The following TNN variants were observed in gnomAD, a reference collection of about 807,000 sequenced individuals.
TNN encodes the protein tenascin N, also known as tenascin-N.
A neutral mutation model predicts 134.4 loss-of-function variants in TNN; 122 were observed. The observed-to-expected ratio is 0.91, with a 90% confidence interval of 0.78 to 1.06. TNN has a LOEUF of 1.06. Among genes scored for constraint, TNN ranks in the 50% least tolerant of loss-of-function variants. The probability of loss-of-function intolerance (pLI) is 0.00; values close to 1 mark genes in which losing one functional copy is unlikely to be tolerated. For missense variants in TNN, 1,739 were observed against 1,699.4 expected, an observed-to-expected ratio of 1.02 and a Z score of -0.41; for synonymous variants, 710 against 670.3, an observed-to-expected ratio of 1.06 and a Z score of -0.91.
At chr1:175,085,037 A>G in intron 5 of TNN, among the ~76,000 whole-genome samples, 1 of 152,230 alleles carries the variant, frequency 6.6e-6, no homozygotes, top group East Asian at 1.9e-4. Flanking sequence ...CACAATGAGA[A>G]GGAGAGATGC....
intron 11 of TNN, among the ~76,000 whole-genome samples, chr1:175,120,755 C>T (rs572433440): frequency 6.6e-6 from 1 of 152,332 alleles, no homozygotes; most frequent in African/African-American, 2.4e-5. Context: ...GCTGTCCTGA[C>T]CAACACAGCA....
At chr1:175,126,343 G>A (rs1335800820) in intron 12 of TNN, among the ~76,000 whole-genome samples, 4 of 151,860 alleles carry the variant, frequency 2.6e-5, no homozygotes, top group South Asian at 4.2e-4. Context: ...CTTGTGATCC[G>A]CCTGCCTTGG....
intron 5 of TNN, 73 bp downstream of exon 5, chr1:175,084,008 T>C: frequency 6.7e-7 from 1 of 1,483,306 alleles, no homozygotes; most frequent in Admixed American, 1.7e-5. Context: ...CAGAGGGCAC[T>C]GGCATCTGCA....
At chr1:175,104,810 G>A (rs1674809780) in intron 9 of TNN, among the ~76,000 whole-genome samples, 1 of 145,994 alleles carries the variant, frequency 6.8e-6, no homozygotes, top group Non-Finnish European at 1.5e-5. Flanking sequence ...TGACAGGGGA[G>A]TATATTTTCT....
At chr1:175,142,149 C>T (rs1031762473) in intron 17 of TNN, among the ~76,000 whole-genome samples, 1 of 152,222 alleles carries the variant, frequency 6.6e-6, no homozygotes, top group Admixed American at 6.5e-5. Context: ...ATGTGTATGA[C>T]TAGCATGACA....
chr1:175,145,885 G>A (rs371757040), intron 18 of TNN, among the ~76,000 whole-genome samples: 11 of 152,126 alleles, frequency 7.2e-5, no homozygotes, highest in East Asian at 3.9e-4. Flanking sequence ...GTCTCTGCTC[G>A]TCATTAATCC....
intron 9 of TNN, among the ~76,000 whole-genome samples, chr1:175,099,819 C>T (rs1205101032): frequency 6.6e-6 from 1 of 152,102 alleles, no homozygotes; most frequent in African/African-American, 2.4e-5. Context: ...CACTTCTGTG[C>T]TCCTCTTCTA....
intron 1 of TNN, among the ~76,000 whole-genome samples, chr1:175,074,484 G>GAAAAAAAAAAAAAAAAAAAAAA (rs55952749): frequency 8.4e-6 from 1 of 119,020 alleles, no homozygotes. Context: ...GATCCTGTCT[G>GAAAAAAAAAAAAAAAAAAAAAA]AAAAAAAAAA....
intron 9 of TNN, among the ~76,000 whole-genome samples, chr1:175,115,682 G>T (rs879829800): frequency 6.6e-6 from 1 of 152,094 alleles, no homozygotes; most frequent in Non-Finnish European, 1.5e-5. Flanking sequence ...ACACCAAGAC[G>T]GTGTAGTACA....
Position 175,123,388 on chromosome 1 carries a change from C to G in TNN, c.2651-12C>G. ...TTCTAAAGTTCAGCCTTTTCTAAAT[C>G]TTTTTAAAAAGAAATTGACGGCCCC... On this transcript the variant is annotated splice_polypyrimidine_tract_variant and intron_variant, in intron 11 of 18. Coordinates refer to ENST00000239462, the MANE Select transcript of TNN (RefSeq NM_022093.2). The G allele has an allele frequency of 1.2e-6, 2 of 1,612,876 alleles. No individual in the cohort carries two copies. Among genetic ancestry groups the G allele is most frequent in the Non-Finnish European group, 1.7e-6 (2 of 1,179,640 alleles).
At position 175,085,447 on chromosome 1, in the gene TNN, TGA is replaced by T; in HGVS notation, c.1281_1282del (p.Gly428ArgfsTer16). Reference sequence around the variant, plus strand: ...GAGTATAAGATCACGGTGGTGCCCATGAGAGGAGAGCTGGAGGGCAAGCCGAT... The same window carrying T: ...GAGTATAAGATCACGGTGGTGCCCATGAGGAGAGCTGGAGGGCAAGCCGAT... On this transcript the variant is annotated frameshift_variant, in exon 6 of 19. Transcript: ENST00000239462. LOFTEE classifies it high-confidence loss of function. 6.2e-7 allele frequency: 1 copy of T among 1,612,996 alleles called. No individual in the cohort carries two copies. Among genetic ancestry groups the T allele is most frequent in the East Asian group, 2.2e-5 (1 of 44,840 alleles).
intron 18 of TNN, among the ~76,000 whole-genome samples, chr1:175,144,876 T>C (rs1285634055): frequency 6.6e-6 from 1 of 152,258 alleles, no homozygotes; most frequent in Non-Finnish European, 1.5e-5. Context: ...CAGCTCTAGC[T>C]GCTGTAACAA....
Position 175,074,754 on chromosome 1 carries a change from T to C in TNN, c.-35-2630T>C, listed in dbSNP as rs115175363. On this transcript the variant is annotated intron_variant, in intron 1 of 18. Coordinates refer to ENST00000239462, the MANE Select transcript of TNN (RefSeq NM_022093.2). ...CCTTCATAGGTACCATTCTGCTTAATTCACAGTGGTGTCACATCCCTTGGG... is the reference window on the plus strand; with the variant it reads ...CCTTCATAGGTACCATTCTGCTTAACTCACAGTGGTGTCACATCCCTTGGG... Among the ~76,000 whole-genome samples the C allele has an allele frequency of 2.2e-3, 335 of 152,336 alleles. 3 individuals are homozygous for C. Among genetic ancestry groups the C allele is most frequent in the African/African-American group, 7.8e-3 (325 of 41,582 alleles).
Position 175,094,195 on chromosome 1 carries a change from C to A in TNN, c.1530C>A (p.Tyr510Ter). Residue 510 changes from tyrosine (Y) to a stop codon, truncating the protein, a stop_gained, in exon 7 of 19, where the codon TAC (tyrosine) becomes TAA (stop). Transcript: ENST00000239462. LOFTEE classifies it high-confidence loss of function. The stretch of plus-strand genomic sequence containing the variant: ...AGCCAGGAGAGGCATACAAGGTCTA[C>A]GTGTGGGCTGAAAGGGGCAACCAGG... Reference protein sequence around the residue: ...GLKPGEAYKVYVWAERGNQGS... With the variant: ...GLKPGEAYKV The A allele has an allele frequency of 6.2e-7, 1 of 1,613,594 alleles. No individual in the cohort carries two copies. The highest frequency in any genetic ancestry group is 8.5e-7 in the Non-Finnish European group (1 of 1,179,640).
chr1:175,123,560 C>T lies in TNN; in HGVS notation c.2811C>T (p.Ser937=). 1 of 1,614,014 alleles carries T rather than the reference C, an allele frequency of 6.2e-7. No homozygotes were observed. The highest frequency in any genetic ancestry group is 8.5e-7 in the Non-Finnish European group (1 of 1,179,916). Residue 937 remains serine (S), a synonymous_variant, in exon 12 of 19, where the codon AGC becomes AGT. Transcript: ENST00000239462. ...REVPVGKEHS[S]TVLTGLRPGM... ...TTCCGGTGGGGAAGGAGCACAGCAG[C>T]ACTGTCCTGACGGGCCTGAGACCAG... is the stretch of plus-strand genomic sequence containing the variant.
At chr1:175,113,568 A>G (rs1290659595) in intron 9 of TNN, among the ~76,000 whole-genome samples, 2 of 152,106 alleles carry the variant, frequency 1.3e-5, no homozygotes, top group African/African-American at 4.8e-5. Context: ...CTATTTAGGG[A>G]CTTGAGCTTC....
At chr1:175,116,665 C>T (rs1229357744) in intron 9 of TNN, among the ~76,000 whole-genome samples, 1 of 152,224 alleles carries the variant, frequency 6.6e-6, no homozygotes, top group African/African-American at 2.4e-5. Flanking sequence ...CTGGCTCCAA[C>T]CTGCACCTCT....
At chr1:175,118,940 T>C in intron 11 of TNN, 116 bp downstream of exon 11, 6 of 1,360,728 alleles carry the variant, frequency 4.4e-6, no homozygotes, top group Non-Finnish European at 6.0e-6. Flanking sequence ...CAGACTGTTT[T>C]AGGAGAGTTT....
chr1:175,079,635 A>G lies in TNN; in HGVS notation c.712A>G (p.Ser238Gly). Residue 238 changes from serine to glycine, a missense_variant, in exon 3 of 19, where the codon AGC becomes GGC. Transcript: ENST00000239462. ...CSEKRCPGDC[S>G]GHGFCDTGEC... Reference sequence around the variant, plus strand: ...CGAGAAGCGCTGTCCCGGCGACTGCAGCGGCCACGGCTTCTGTGACACGGG... The same window carrying G: ...CGAGAAGCGCTGTCCCGGCGACTGCGGCGGCCACGGCTTCTGTGACACGGG... 1 of 1,607,374 alleles carries G rather than the reference A, an allele frequency of 6.2e-7. No homozygotes were observed. The highest frequency in any genetic ancestry group is 8.5e-7 in the Non-Finnish European group (1 of 1,177,978).
Sources: gnomAD v4.1 joint callset for allele counts (sites outside exome capture counted in the v4.1 genomes callset) on GRCh38, gnomAD v4.1.1 for gene constraint, MANE v1.5 for transcripts, NCBI Gene and HGNC (gene_info 2026-07-23, HGNC 2026-07-21) for gene names.